The following ADGRL2 variants were observed in gnomAD, a reference collection of about 807,000 sequenced individuals.
ADGRL2 encodes calcium-independent alpha-latrotoxin receptor 2.
A neutral mutation model predicts 157.4 loss-of-function variants in ADGRL2; 44 were observed. The observed-to-expected ratio is 0.28, with a 90% CI of 0.22 to 0.36. The LOEUF (loss-of-function observed/expected upper bound fraction) is 0.36, where lower values mean the gene tolerates loss of function less well. Among genes scored for constraint, ADGRL2 ranks in the 10% least tolerant of loss-of-function variants. ADGRL2 has a pLI of 1.00. For synonymous variants in ADGRL2, 585 were observed against 624.7 expected, an observed-to-expected ratio of 0.94 and a Z score of 0.95; for missense variants, 1,510 against 1,768.9, an observed-to-expected ratio of 0.85 and a Z score of 2.63.
chr1:81,562,248 T>C (rs1306389791), intron 2 of ADGRL2, among the ~76,000 whole-genome samples: 1 of 152,124 alleles, frequency 6.6e-6, no homozygotes, highest in African/African-American at 2.4e-5. Flanking sequence ...TATAGATTGG[T>C]TAAAATTGTT....
chr1:81,528,646 CAAAAA>C lies in ADGRL2; in HGVS notation c.-247-52205_-247-52201del, dbSNP rs59842382. On this transcript the variant is annotated intron_variant, in intron 2 of 24. Coordinates refer to the ADGRL2 transcript ENST00000370721. ...TGGGCAAAAAAGTGAGACTCCATCT[CAAAAA>C]AAAAAAAAAAAAAAAAAAAAAAAAG... 2.2e-3 allele frequency among the ~76,000 whole-genome samples: 249 copies of C among 114,630 alleles called. 1 individual carries two copies. The highest frequency in any genetic ancestry group is 9.3e-3 in the Middle Eastern group (2 of 216). The allele number at this position is 114,630 out of a possible 152,430, so 75.2% of individuals were successfully genotyped here.
At chr1:81,504,445 AG>A (rs1380208054) in intron 2 of ADGRL2, among the ~76,000 whole-genome samples, 1 of 152,168 alleles carries the variant, frequency 6.6e-6, no homozygotes, top group Non-Finnish European at 1.5e-5. Context: ...GTCTTCAGGA[AG>A]TATTTGCATC....
chr1:81,626,877 T>G (rs1010461853), intron 3 of ADGRL2, among the ~76,000 whole-genome samples: 26 of 151,984 alleles, frequency 1.7e-4, no homozygotes, highest in African/African-American at 6.3e-4. Context: ...GCAGTTAGAG[T>G]TTCATGACGT....
At chr1:81,572,689 A>C (rs2080719672) in intron 2 of ADGRL2, among the ~76,000 whole-genome samples, 1 of 152,134 alleles carries the variant, frequency 6.6e-6, no homozygotes, top group African/African-American at 2.4e-5. Context: ...GAAAATGCAA[A>C]TTACTAAAGT....
chr1:81,399,051 T>C (rs955089689), intron 1 of ADGRL2, among the ~76,000 whole-genome samples: 2 of 152,134 alleles, frequency 1.3e-5, no homozygotes, highest in African/African-American at 4.8e-5. Context: ...ACAGGAAGCA[T>C]GACTGGGAGG....
intron 2 of ADGRL2, among the ~76,000 whole-genome samples, chr1:81,466,527 A>G (rs190769430): frequency 2.6e-5 from 4 of 152,288 alleles, no homozygotes; most frequent in African/African-American, 9.6e-5. Context: ...AGATCTTGCT[A>G]TAACCACTTC....
chr1:81,612,843 A>G (rs916615388), intron 3 of ADGRL2, among the ~76,000 whole-genome samples: 32 of 152,222 alleles, frequency 2.1e-4, no homozygotes, highest in African/African-American at 7.7e-4. Context: ...AGACAAATGC[A>G]CATCAAAATC....
chr1:81,733,948 T>C (rs2084810408), intron 1 of ADGRL2, among the ~76,000 whole-genome samples: 2 of 152,086 alleles, frequency 1.3e-5, no homozygotes, highest in South Asian at 4.1e-4. Context: ...CAAGCTTACC[T>C]ATATAACAAA....
At chr1:81,751,374 G>A (rs988212699) in intron 1 of ADGRL2, among the ~76,000 whole-genome samples, 1 of 152,144 alleles carries the variant, frequency 6.6e-6, no homozygotes, top group Non-Finnish European at 1.5e-5. Flanking sequence ...CCACCTGATA[G>A]GTTGCTATGA....
chr1:81,421,574 G>A (rs1256290507), intron 1 of ADGRL2, among the ~76,000 whole-genome samples: 2 of 152,118 alleles, frequency 1.3e-5, no homozygotes, highest in African/African-American at 4.8e-5. Flanking sequence ...CTTTCAAGGT[G>A]CTTTGCTCCT....
At chr1:81,952,886 C>T (rs962990426) in intron 9 of ADGRL2, 101 bp from the exon 10 acceptor site, 28 of 892,130 alleles carry the variant, frequency 3.1e-5, no homozygotes, top group Admixed American at 1.9e-4. Flanking sequence ...ATATAAACTT[C>T]GAGCTCTGGA....
In ADGRL2 at chr1:81,427,430, A is replaced by T. The variant is rs990744368; in HGVS notation, c.-301-17606A>T. ...AGGATATGATGGTTGCAATGGAGGA[A>T]ATTTGGTGGTGGTAACTGTGGTGGT... is the stretch of plus-strand genomic sequence containing the variant. On this transcript the variant is annotated intron_variant, in intron 1 of 24. Coordinates refer to the ADGRL2 transcript ENST00000370721. 38 of 750,464 alleles carry T rather than the reference A, an allele frequency of 5.1e-5. No homozygotes were observed. The Admixed American group carries it at 6.3e-4, about 13-fold the overall frequency. The allele number at this position is 750,464 out of a possible 1,614,324, so 46.5% of individuals were successfully genotyped here.
intron 1 of ADGRL2, among the ~76,000 whole-genome samples, chr1:81,356,952 CAAAAAAA>C (rs757239865): frequency 1.8e-5 from 1 of 55,668 alleles, no homozygotes; most frequent in Non-Finnish European, 3.1e-5. Context: ...GACTCCGTCT[CAAAAAAA>C]AAAAAAAAAA....
At chr1:81,445,723 T>C (rs1219992557) in intron 2 of ADGRL2, among the ~76,000 whole-genome samples, 1 of 152,196 alleles carries the variant, frequency 6.6e-6, no homozygotes, top group Non-Finnish European at 1.5e-5. Context: ...ATTAAAAGCC[T>C]AGCCTTCAGA....
rs200163797 is a variant in ADGRL2 at position 81,901,584 on chromosome 1, T to TA, written c.74-5433_74-5432insA. ...AGGATTAAAACATATATATATATATTTTTTTTTTTGATGATTTCTTCCCGT... is the reference window on the plus strand; with the variant it reads ...AGGATTAAAACATATATATATATATTATTTTTTTTTGATGATTTCTTCCCGT... On this transcript the variant is annotated intron_variant, in intron 2 of 23. Coordinates refer to ENST00000686636, the MANE Select transcript of ADGRL2 (RefSeq NM_001366006.2). Among the ~76,000 whole-genome samples, 1,239 of 150,454 alleles carry TA rather than the reference T, an allele frequency of 8.2e-3. 11 individuals carry two copies. Among genetic ancestry groups the TA allele is most frequent in the Admixed American group, 0.035 (530 of 15,086 alleles).
At chr1:81,501,752 G>T in intron 2 of ADGRL2, 3 of 1,610,672 alleles carry the variant, frequency 1.9e-6, no homozygotes, top group Non-Finnish European at 2.5e-6. Flanking sequence ...CACTCTGTGG[G>T]TGAAGCTTGA....
rs374992246 is a variant in ADGRL2, at chr1:81,628,302, G to A, written c.-143+47322G>A. On this transcript the variant is annotated intron_variant, in intron 3 of 24. Transcript: ENST00000370721. ...TGAGGACATCATTACTGGGCTCTAC[G>A]TGTGCCCTCTCGGAGCTATCATTTG... Among the ~76,000 whole-genome samples the A allele has an allele frequency of 2.4e-3, 362 of 152,246 alleles. 3 individuals carry two copies. Among genetic ancestry groups the A allele is most frequent in the Middle Eastern group, 6.8e-3 (2 of 294 alleles).
At chr1:81,358,437 G>A (rs1297540961) in intron 1 of ADGRL2, among the ~76,000 whole-genome samples, 1 of 152,160 alleles carries the variant, frequency 6.6e-6, no homozygotes, top group African/African-American at 2.4e-5. Context: ...GAAGTTGATA[G>A]TGTCCTAGAT....
chr1:81,818,680 A>AC (rs2090667490), intron 1 of ADGRL2, among the ~76,000 whole-genome samples: 1 of 152,166 alleles, frequency 6.6e-6, no homozygotes, highest in South Asian at 2.1e-4. Context: ...ACTGTTATGT[A>AC]AGGACTGTGC....
Sources: gnomAD v4.1 joint callset for allele counts (sites outside exome capture counted in the v4.1 genomes callset) on GRCh38, gnomAD v4.1.1 for gene constraint, MANE v1.5 for transcripts, NCBI Gene and HGNC (gene_info 2026-07-23, HGNC 2026-07-21) for gene names.